Variants in IL1RL1 observed in about 807,000 individuals in gnomAD.
IL1RL1 encodes the protein interleukin 1 receptor like 1, also known as interleukin-1 receptor-like 1.
Under a neutral mutation model 50.9 loss-of-function variants are expected in IL1RL1, and 32 were observed. The ratio of observed to expected loss-of-function variants is 0.63; its 90% CI spans 0.47 to 0.84. The LOEUF is 0.84. IL1RL1 is among the 40% of genes least tolerant of loss of function. IL1RL1 has a pLI of 0.00. For synonymous variants in IL1RL1, 275 were observed against 236.0 expected, an observed-to-expected ratio of 1.17 and a Z score of -1.51; for missense variants, 773 against 662.9, an observed-to-expected ratio of 1.17 and a Z score of -1.82.
intron 1 of IL1RL1, among the ~76,000 whole-genome samples, chr2:102,313,985 C>T (rs996562545): frequency 3.3e-5 from 5 of 152,164 alleles, no homozygotes; most frequent in South Asian, 2.1e-4. Context: ...TTAGGCAGGG[C>T]GTCTGGATTC....
chr2:102,312,022 TA>T (rs1171366327), intron 1 of IL1RL1, among the ~76,000 whole-genome samples: 37 of 59,018 alleles, frequency 6.3e-4, no homozygotes, highest in Middle Eastern at 0.014. Flanking sequence ...TTATATATAA[TA>T]TATATTATAT....
intron 1 of IL1RL1, among the ~76,000 whole-genome samples, chr2:102,325,287 G>T (rs1276927108): frequency 6.6e-6 from 1 of 152,182 alleles, no homozygotes; most frequent in Non-Finnish European, 1.5e-5. Context: ...CTGCAGCTGA[G>T]GGTCCTGACA....
intron 1 of IL1RL1, chr2:102,313,023 C>T (rs896486863): frequency 5.9e-5 from 9 of 152,136 alleles, no homozygotes; most frequent in Admixed American, 5.9e-4. Flanking sequence ...ACATAATCAT[C>T]TAATTTTGGC....
intron 5 of IL1RL1, chr2:102,341,505 T>G: frequency 1.6e-5 from 4 of 253,312 alleles, no homozygotes; most frequent in Non-Finnish European, 2.6e-5. Flanking sequence ...GACGTAGATG[T>G]AATAGCCCCT....
chr2:102,331,911 T>C (rs1211297183), intron 1 of IL1RL1, among the ~76,000 whole-genome samples: 4 of 151,706 alleles, frequency 2.6e-5, no homozygotes, highest in Non-Finnish European at 2.9e-5. Context: ...CTACGAAAAA[T>C]ACAAAAATTA....
At chr2:102,339,105 AT>A (rs1677446585) in intron 3 of IL1RL1, 58 bp downstream of exon 3, 10 of 1,248,018 alleles carry the variant, frequency 8.0e-6, no homozygotes, top group South Asian at 3.6e-5. Context: ...TCAGTGGTTG[AT>A]TGCCTGAGCT....
chr2:102,348,049 C>A lies in IL1RL1; in HGVS notation c.1075C>A (p.Leu359Met). The A allele has an allele frequency of 6.2e-7, 1 of 1,613,098 alleles. No homozygotes were observed. Among genetic ancestry groups the A allele is most frequent in the Non-Finnish European group, 8.5e-7 (1 of 1,179,046 alleles). ...ILKMFWIEAT[L>M]LWRDIAKPYK... ...AAAAATGTTCTGGATTGAGGCCACT[C>A]TGCTCTGGAGAGACATAGCTAAACC... Residue 359 changes from leucine (L) to methionine (M), a missense_variant, in exon 9 of 11, where the codon CTG becomes ATG. Physicochemically the swap from Leu to Met is conservative, Grantham distance 15 (BLOSUM62 2). Coordinates refer to ENST00000233954, the MANE Select transcript of IL1RL1 (RefSeq NM_016232.5).
intron 1 of IL1RL1, among the ~76,000 whole-genome samples, chr2:102,333,119 T>A (rs1677219534): frequency 6.6e-6 from 1 of 152,072 alleles, no homozygotes; most frequent in Non-Finnish European, 1.5e-5. Context: ...CTGGGTGAGG[T>A]GGAAGACTTT....
chr2:102,340,250 CA>C lies in IL1RL1; in HGVS notation c.426del (p.Ala143HisfsTer29). 6.3e-7 allele frequency: 1 copy of C among 1,599,128 alleles called. No individual in the cohort carries two copies. Among genetic ancestry groups the C allele is most frequent in the Non-Finnish European group, 8.5e-7 (1 of 1,176,582 alleles). On this transcript the variant is annotated frameshift_variant, in exon 4 of 11. Coordinates refer to ENST00000233954, the MANE Select transcript of IL1RL1 (RefSeq NM_016232.5). LOFTEE classifies it high-confidence loss of function. ...CCTACCATTGACCTCTACAACTGGA[CA>C]GCACCTCTTGAGTGGTTTAAGGTAA... The part of the protein sequence containing the change: ...YCPTIDLYNW[T>X]APLEWFKNCQ...
chr2:102,328,264 A>G (rs1184982527), intron 1 of IL1RL1, among the ~76,000 whole-genome samples: 1 of 152,210 alleles, frequency 6.6e-6, no homozygotes, highest in Non-Finnish European at 1.5e-5. Flanking sequence ...CCACATGATT[A>G]TCTCAATAGA....
At chr2:102,328,606 C>T (rs774046652) in intron 1 of IL1RL1, among the ~76,000 whole-genome samples, 1 of 152,046 alleles carries the variant, frequency 6.6e-6, no homozygotes, top group African/African-American at 2.4e-5. Context: ...TCTAGAAAAC[C>T]CCATCATCTC....
chr2:102,333,818 A>G (rs1677237135), intron 1 of IL1RL1, among the ~76,000 whole-genome samples: 1 of 152,148 alleles, frequency 6.6e-6, no homozygotes, highest in Admixed American at 6.5e-5. Flanking sequence ...GCTCCCACAT[A>G]TGAGTAAGAA....
chr2:102,333,535 G>A lies in IL1RL1; in HGVS notation c.-149-4581G>A, dbSNP rs773396447. Among the ~76,000 whole-genome samples, 20 of 152,220 alleles carry A rather than the reference G, an allele frequency of 1.3e-4. 1 individual carries two copies. The highest frequency in any genetic ancestry group is 4.4e-5 in the Non-Finnish European group (3 of 68,042). ...AGGAGATCAGAAGTTCTGTTCTGGAGACATGAAGCTTTTGTGAATTCCACT... is the reference window on the plus strand; with the variant it reads ...AGGAGATCAGAAGTTCTGTTCTGGAAACATGAAGCTTTTGTGAATTCCACT... On this transcript the variant is annotated intron_variant, in intron 1 of 10. Transcript: ENST00000233954.
At chr2:102,331,270 A>G (rs548777768) in intron 1 of IL1RL1, among the ~76,000 whole-genome samples, 1 of 152,370 alleles carries the variant, frequency 6.6e-6, no homozygotes, top group African/African-American at 2.4e-5. Flanking sequence ...AAGCTTTAGA[A>G]GCAGATTCTG....
chr2:102,335,308 G>A (rs1394482659), intron 1 of IL1RL1, among the ~76,000 whole-genome samples: 6 of 152,084 alleles, frequency 3.9e-5, no homozygotes, highest in Non-Finnish European at 5.9e-5. Flanking sequence ...TAATAACCCA[G>A]TCCAAATTAT....
At chr2:102,331,515 C>T (rs751924632) in intron 1 of IL1RL1, among the ~76,000 whole-genome samples, 1 of 152,196 alleles carries the variant, frequency 6.6e-6, no homozygotes, top group Non-Finnish European at 1.5e-5. Context: ...ATTTCTTTTT[C>T]CTGAGTGTCT....
chr2:102,341,266 G>A, intron 5 of IL1RL1: 1 of 1,252,658 alleles, frequency 8.0e-7, no homozygotes, highest in Non-Finnish European at 1.0e-6. Context: ...CTAATGAGAG[G>A]CTTTGTGATG....
chr2:102,338,280 T>C lies in IL1RL1; in HGVS notation c.16T>C (p.Leu6=). Reference sequence around the variant, plus strand: ...GATAAACAGAATGGGGTTTTGGATCTTAGCAATTCTCACAATTCTCATGTA... The same window carrying C: ...GATAAACAGAATGGGGTTTTGGATCCTAGCAATTCTCACAATTCTCATGTA... MGFWI[L]AILTILMYST... Residue 6 remains leucine, a synonymous_variant, in exon 2 of 11, where the codon TTA becomes CTA. Transcript: ENST00000233954. 1 of 1,606,884 alleles carries C rather than the reference T, an allele frequency of 6.2e-7. No homozygotes were observed. The highest frequency in any genetic ancestry group is 8.5e-7 in the Non-Finnish European group (1 of 1,174,784).
rs371889389 is a variant in IL1RL1, at chr2:102,323,247, T to TTATATATATATATATA, written c.-150+11635_-150+11650dup. On this transcript the variant is annotated intron_variant, in intron 1 of 10. Coordinates refer to ENST00000233954, the MANE Select transcript of IL1RL1 (RefSeq NM_016232.5). The stretch of plus-strand genomic sequence containing the variant: ...ATGTTCTTTAACTTTTTGTTAGGTT[T>TTATATATATATATATA]TATATATATATATATATATATATAT... Among the ~76,000 whole-genome samples, 97 of 98,602 alleles carry TTATATATATATATATA rather than the reference T, an allele frequency of 9.8e-4. 1 individual carries two copies. Among genetic ancestry groups the TTATATATATATATATA allele is most frequent in the African/African-American group, 3.5e-3 (94 of 26,608 alleles). 64.7% of individuals were successfully genotyped at this position (98,602 alleles called of 152,430 possible). A position where few individuals can be genotyped will look rare whatever the true frequency, so the allele number is the denominator to read the frequency against.
Sources: allele counts gnomAD v4.1 joint callset (sites outside exome capture counted in the v4.1 genomes callset), GRCh38; gene constraint gnomAD v4.1.1; transcripts MANE v1.5; gene names NCBI Gene and HGNC (gene_info 2026-07-23, HGNC 2026-07-21).